FBXL5: variants seen among roughly 807,000 people sequenced by gnomAD.
The protein encoded by FBXL5 is F-box/LRR-repeat protein 5.
In FBXL5, 26 loss-of-function variants were observed where a neutral mutation model predicts 78.3. The ratio of observed to expected loss-of-function variants is 0.33; its 90% CI spans 0.24 to 0.46. The LOEUF (loss-of-function observed/expected upper bound fraction) is 0.46, where lower values mean the gene tolerates loss of function less well. Among genes scored for constraint, FBXL5 ranks in the 20% least tolerant of loss-of-function variants. FBXL5 has a pLI of 1.00. For synonymous variants in FBXL5, 295 were observed against 282.5 expected (o/e 1.04, Z -0.45); for missense variants, 710 against 829.2 (o/e 0.86, Z 1.77).
chr4:15,659,935 GAA>G (rs111668028), upstream of FBXL5: 2,983 of 153,274 alleles, frequency 0.019, 100 homozygotes, highest in African/African-American at 0.068. Flanking sequence ...GGAATGGAAA[GAA>G]ATGATAAGTT....
At chr4:15,651,534 A>G (rs925515887) in intron 1 of FBXL5, among the ~76,000 whole-genome samples, 5 of 152,196 alleles carry the variant, frequency 3.3e-5, no homozygotes, top group Non-Finnish European at 7.3e-5. Flanking sequence ...CACTAAGCCA[A>G]TCTTCTCAAA....
upstream of FBXL5, among the ~76,000 whole-genome samples, chr4:15,658,441 T>C (rs191386370): frequency 1.5e-3 from 234 of 152,336 alleles, 2 homozygotes; most frequent in Non-Finnish European, 1.8e-3. Flanking sequence ...TAAGAGGTGA[T>C]TGGGTCATGA....
chr4:15,612,253 TA>T lies in FBXL5; in HGVS notation c.1999+12del, dbSNP rs768191126. On this transcript the variant is annotated intron_variant, in intron 10 of 10. Transcript: ENST00000341285. ...AATTCCTTCAAAATTATCGCACTGT[TA>T]AAAGGCATTACCGTTAATGTTGTCA... 1.9e-5 allele frequency: 30 copies of T among 1,565,020 alleles called. No individual in the cohort carries two copies. Among genetic ancestry groups the T allele is most frequent in the Non-Finnish European group, 2.4e-5 (28 of 1,162,428 alleles).
intron 9 of FBXL5, among the ~76,000 whole-genome samples, chr4:15,617,983 A>G (rs1047252069): frequency 4.6e-5 from 7 of 151,960 alleles, no homozygotes; most frequent in Non-Finnish European, 1.0e-4. Flanking sequence ...AAGTTAAAAG[A>G]AAAAAAAGGA....
intron 1 of FBXL5, among the ~76,000 whole-genome samples, chr4:15,680,961 A>G (rs969850252): frequency 2.0e-5 from 3 of 147,080 alleles, no homozygotes; most frequent in African/African-American, 7.5e-5. Context: ...TTTGTTTCAC[A>G]TATATATATA....
In FBXL5 at chr4:15,618,566, C is replaced by T. The variant is rs368665224; in HGVS notation, c.1851-6152G>A. 9.2e-4 allele frequency among the ~76,000 whole-genome samples: 140 copies of T among 152,300 alleles called. 2 individuals carry two copies. The South Asian group carries it at 0.016, about 17-fold the overall frequency. ...TAAAAAAGAATTAACATTGGCTGGG[C>T]GCAGTGGCTCACGCCTGCAATTCCA... On this transcript the variant is annotated intron_variant, in intron 9 of 10. Transcript: ENST00000341285.
intron 9 of FBXL5, among the ~76,000 whole-genome samples, chr4:15,613,704 T>C (rs1722426491): frequency 6.6e-6 from 1 of 152,144 alleles, no homozygotes; most frequent in Non-Finnish European, 1.5e-5. Context: ...CTTTCTTTTG[T>C]TTGTTCAATT....
intron 2 of FBXL5, chr4:15,641,733 T>TTAA (rs1193600659): frequency 2.5e-6 from 1 of 393,334 alleles, no homozygotes; most frequent in African/African-American, 2.2e-5. Flanking sequence ...ACTGTACCTG[T>TTAA]TAACATTATC....
chr4:15,642,576 A>C (rs1387471035), intron 2 of FBXL5, among the ~76,000 whole-genome samples: 1 of 152,150 alleles, frequency 6.6e-6, no homozygotes, highest in Non-Finnish European at 1.5e-5. Flanking sequence ...TATCTCTGTT[A>C]AGTCTTCTCT....
At chr4:15,640,645 T>G (rs1191155494) in intron 3 of FBXL5, 143 bp downstream of exon 3, 2 of 432,640 alleles carry the variant, frequency 4.6e-6, no homozygotes, top group East Asian at 7.2e-5. Flanking sequence ...TCCCTTGGGT[T>G]TTCTTTTTTC....
chr4:15,610,496 T>A (rs533997253), intron 10 of FBXL5, among the ~76,000 whole-genome samples: 1 of 152,176 alleles, frequency 6.6e-6, no homozygotes, highest in South Asian at 2.1e-4. Flanking sequence ...AAATCAATCA[T>A]TTATCCAAAA....
At chr4:15,633,621 T>C (rs1227218285) in intron 5 of FBXL5, among the ~76,000 whole-genome samples, 1 of 152,122 alleles carries the variant, frequency 6.6e-6, no homozygotes, top group East Asian at 1.9e-4. Flanking sequence ...GGAGACAGAG[T>C]CTCACTCTGC....
upstream of FBXL5, among the ~76,000 whole-genome samples, chr4:15,657,871 T>C (rs924371685): frequency 1.3e-5 from 2 of 152,172 alleles, no homozygotes; most frequent in Non-Finnish European, 2.9e-5. Context: ...TCACTTTACC[T>C]CTCTGTGAGA....
At chr4:15,676,739 T>A (rs1324136157) in intron 1 of FBXL5, among the ~76,000 whole-genome samples, 1 of 152,012 alleles carries the variant, frequency 6.6e-6, no homozygotes, top group East Asian at 1.9e-4. Context: ...AGGTGTTGGG[T>A]TGTTGGGTTC....
chr4:15,658,197 T>C (rs1235686796), upstream of FBXL5, among the ~76,000 whole-genome samples: 1 of 152,246 alleles, frequency 6.6e-6, no homozygotes, highest in African/African-American at 2.4e-5. Context: ...GCACTTTCCC[T>C]AATAGGGGAT....
chr4:15,670,908 C>T (rs1268524540), intron 1 of FBXL5, among the ~76,000 whole-genome samples: 2 of 129,800 alleles, frequency 1.5e-5, no homozygotes, highest in Admixed American at 8.4e-5. Flanking sequence ...TTTCTCTGTG[C>T]GTAGACTTTT....
intron 10 of FBXL5, among the ~76,000 whole-genome samples, chr4:15,610,801 A>T (rs1042754416): frequency 6.6e-6 from 1 of 152,118 alleles, no homozygotes; most frequent in African/African-American, 2.4e-5. Flanking sequence ...TGAAATCAAT[A>T]TGAAAAATTC....
chr4:15,655,465 T>A, upstream of FBXL5: 1 of 882,108 alleles, frequency 1.1e-6, no homozygotes, highest in Non-Finnish European at 1.4e-6. Context: ...ATGCGATCCC[T>A]GCGGCCCACG....
chr4:15,628,446 T>C (rs1476341636), intron 6 of FBXL5, among the ~76,000 whole-genome samples: 2 of 152,148 alleles, frequency 1.3e-5, no homozygotes, highest in African/African-American at 4.8e-5. Flanking sequence ...TCTGTAAAGC[T>C]TGGATGTTTA....
Sources: gnomAD v4.1 joint callset for allele counts (sites outside exome capture counted in the v4.1 genomes callset) on GRCh38, gnomAD v4.1.1 for gene constraint, MANE v1.5 for transcripts, NCBI Gene and HGNC (gene_info 2026-07-23, HGNC 2026-07-21) for gene names.